Variants in GRM8 observed in about 807,000 individuals in gnomAD.
GRM8 encodes metabotropic glutamate receptor 8.
A neutral mutation model predicts 87.2 loss-of-function variants in GRM8; 47 were observed. The ratio of observed to expected loss-of-function variants is 0.54; its 90% CI spans 0.43 to 0.69. GRM8 has a LOEUF of 0.69. Among genes scored for constraint, GRM8 ranks in the 30% least tolerant of loss-of-function variants. GRM8 has a pLI of 0.00. For missense variants in GRM8, 1,019 were observed against 1,139.2 expected, an observed-to-expected ratio of 0.89 and a Z score of 1.52; for synonymous variants, 396 against 404.5, an observed-to-expected ratio of 0.98 and a Z score of 0.25.
At chr7:126,958,440 C>T (rs1010261106) in intron 3 of GRM8, among the ~76,000 whole-genome samples, 8 of 152,162 alleles carry the variant, frequency 5.3e-5, no homozygotes, top group African/African-American at 1.7e-4. Context: ...CAGCAGAAGC[C>T]GCTTGCGGTA....
chr7:126,909,319 AC>A (rs1803047936), intron 3 of GRM8, among the ~76,000 whole-genome samples: 2 of 152,164 alleles, frequency 1.3e-5, no homozygotes, highest in South Asian at 4.1e-4. Context: ...CCTCAAAGAT[AC>A]GTTTTCCATA....
intron 6 of GRM8, among the ~76,000 whole-genome samples, chr7:126,902,041 T>C (rs1802134871): frequency 1.3e-5 from 2 of 152,222 alleles, no homozygotes; most frequent in Admixed American, 1.3e-4. Context: ...CATTATTATT[T>C]TTAAGCACAA....
intron 9 of GRM8, among the ~76,000 whole-genome samples, chr7:126,496,888 A>G (rs538094012): frequency 6.6e-6 from 1 of 152,064 alleles, no homozygotes; most frequent in East Asian, 1.9e-4. Context: ...GGTGAAATTT[A>G]AACAGCATAC....
rs1414980881 is a variant in GRM8, at chr7:126,685,093, C to A, written c.1358-75595G>T. On this transcript the variant is annotated intron_variant, in intron 7 of 10. Coordinates refer to ENST00000339582, the MANE Select transcript of GRM8 (RefSeq NM_000845.3). The surrounding 1 kb of genome is among the most constrained non-coding windows in gnomAD (Gnocchi z 4.2). ...TGACTGCACTGCCCCCACCTTCACG[C>A]AGCCGGGCAGTACCCACTCCAGGCC... 6.6e-6 allele frequency among the ~76,000 whole-genome samples: 1 copy of A among 152,222 alleles called. No individual in the cohort carries two copies. The highest frequency in any genetic ancestry group is 1.9e-4 in the East Asian group (1 of 5,184).
chr7:126,923,326 GC>G (rs1804737318), intron 3 of GRM8, among the ~76,000 whole-genome samples: 2 of 152,128 alleles, frequency 1.3e-5, no homozygotes, highest in Non-Finnish European at 2.9e-5. Context: ...TAAAGCATCT[GC>G]TTTTCATGTA....
chr7:127,167,521 T>C (rs780669408), intron 2 of GRM8, among the ~76,000 whole-genome samples: 5 of 152,146 alleles, frequency 3.3e-5, no homozygotes, highest in Non-Finnish European at 2.9e-5. Flanking sequence ...TCCAGCAGCA[T>C]GTACTCACTT....
rs575500831 is a variant in GRM8, at chr7:126,996,380, TAAC to T, written c.728-91700_728-91698del. ...GACTAAATGATGAACCAGTCAAAAATAACAACAACTTTTTAAGACACAAACAGT... is the reference window on the plus strand; with the variant it reads ...GACTAAATGATGAACCAGTCAAAAATAACAACTTTTTAAGACACAAACAGT... On this transcript the variant is annotated intron_variant, in intron 3 of 10. Transcript: ENST00000339582. Among the ~76,000 whole-genome samples, 57 of 151,974 alleles carry T rather than the reference TAAC, an allele frequency of 3.8e-4. No individual in the cohort carries two copies. The East Asian group carries it at 8.3e-3, about 22-fold the overall frequency.
intron 7 of GRM8, among the ~76,000 whole-genome samples, chr7:126,610,347 C>T (rs919545951): frequency 6.6e-6 from 1 of 152,124 alleles, no homozygotes; most frequent in Non-Finnish European, 1.5e-5. Flanking sequence ...AGCTTTTAGG[C>T]TTCTCTACAT....
chr7:127,135,099 A>G (rs999135712), intron 2 of GRM8, among the ~76,000 whole-genome samples: 12 of 152,078 alleles, frequency 7.9e-5, no homozygotes, highest in Non-Finnish European at 1.5e-4. Context: ...AGACTTTACT[A>G]ATTTGGAATT....
intron 2 of GRM8, among the ~76,000 whole-genome samples, chr7:127,208,047 T>G (rs1796011236): frequency 6.6e-6 from 1 of 152,084 alleles, no homozygotes; most frequent in Non-Finnish European, 1.5e-5. Context: ...ATACCCACAT[T>G]TTTTGATTGG....
intron 2 of GRM8, among the ~76,000 whole-genome samples, chr7:127,170,571 CA>C (rs1793735741): frequency 1.3e-5 from 2 of 152,140 alleles, no homozygotes; most frequent in South Asian, 4.1e-4. Context: ...TTTGCAGTTG[CA>C]AAAACATGGA....
At chr7:126,934,870 A>G (rs1319328844) in intron 3 of GRM8, among the ~76,000 whole-genome samples, 1 of 152,208 alleles carries the variant, frequency 6.6e-6, no homozygotes, top group Admixed American at 6.6e-5. Context: ...CCACAGGATA[A>G]ACATAGCTTA....
In GRM8 at chr7:127,184,411, A is replaced by G. The variant is rs17864150; in HGVS notation, c.510+58284T>C. Reference sequence around the variant, plus strand: ...CTAAGGGAAAAAAAAGCAATATTACATTACTTGGTACAGAAAAGGCATTTG... The same window carrying G: ...CTAAGGGAAAAAAAAGCAATATTACGTTACTTGGTACAGAAAAGGCATTTG... On this transcript the variant is annotated intron_variant, in intron 2 of 10. Transcript: ENST00000339582. Among the ~76,000 whole-genome samples, 630 of 152,042 alleles carry G rather than the reference A, an allele frequency of 4.1e-3. 2 individuals carry two copies. The highest frequency in any genetic ancestry group is 7.3e-3 in the Non-Finnish European group (492 of 67,816).
chr7:126,600,236 G>A (rs542778260), intron 8 of GRM8, among the ~76,000 whole-genome samples: 13 of 152,192 alleles, frequency 8.5e-5, no homozygotes, highest in African/African-American at 3.1e-4. Context: ...GTTGATATCT[G>A]GAAATACAGT....
chr7:126,561,622 T>C (rs1793708385), intron 8 of GRM8, among the ~76,000 whole-genome samples: 1 of 151,678 alleles, frequency 6.6e-6, no homozygotes, highest in Non-Finnish European at 1.5e-5. Flanking sequence ...TTTTTATTAT[T>C]TATTTATTTA....
intron 3 of GRM8, among the ~76,000 whole-genome samples, chr7:127,063,381 G>C (rs1820808416): frequency 6.6e-6 from 1 of 151,850 alleles, no homozygotes; most frequent in Non-Finnish European, 1.5e-5. Flanking sequence ...TTTGAGAGCA[G>C]CCCAGCCAAC....
chr7:127,003,279 A>T (rs907291157), intron 3 of GRM8, among the ~76,000 whole-genome samples: 1 of 151,794 alleles, frequency 6.6e-6, no homozygotes, highest in African/African-American at 2.4e-5. Context: ...AGTGGCATTG[A>T]TTCTATAAAC....
chr7:126,663,105 G>A (rs1167019544), intron 7 of GRM8, among the ~76,000 whole-genome samples: 1 of 152,156 alleles, frequency 6.6e-6, no homozygotes, highest in Non-Finnish European at 1.5e-5. Flanking sequence ...CATTTTAAAA[G>A]ATTTTAAGCA....
intron 3 of GRM8, among the ~76,000 whole-genome samples, chr7:126,964,871 G>C (rs1809684078): frequency 6.6e-6 from 1 of 152,152 alleles, no homozygotes; most frequent in Admixed American, 6.5e-5. Flanking sequence ...TGTGTTTAAT[G>C]TGGCACTATT....
Sources: allele counts gnomAD v4.1 joint callset (sites outside exome capture counted in the v4.1 genomes callset), GRCh38; gene constraint gnomAD v4.1.1; non-coding constraint Gnocchi (gnomAD v3.1); transcripts MANE v1.5; gene names NCBI Gene and HGNC (gene_info 2026-07-23, HGNC 2026-07-21).